MRPL4: variants seen among roughly 807,000 people sequenced by gnomAD.
The protein encoded by MRPL4 is mitochondrial ribosomal protein L4, also known as large ribosomal subunit protein uL4m.
Under a neutral mutation model 34.1 loss-of-function variants are expected in MRPL4, and 34 were observed. The observed-to-expected ratio is 1.00, with a 90% CI of 0.76 to 1.33. The LOEUF is 1.33. Among genes scored for constraint, MRPL4 ranks in the 40% most tolerant of loss-of-function variants. The pLI, the probability that MRPL4 is intolerant of heterozygous loss-of-function variation, is 0.00. For missense variants in MRPL4, 402 were observed against 434.6 expected (o/e 0.92, Z 0.67); for synonymous variants, 196 against 188.3 (o/e 1.04, Z -0.33).
chr19:10,259,585 GGCCCCCCGCCCC>G lies in MRPL4; in HGVS notation c.740-25_740-14del. On this transcript the variant is annotated intron_variant, in intron 8 of 8. Coordinates refer to ENST00000253099, the MANE Select transcript of MRPL4 (RefSeq NM_015956.3). ...GGAGAGAGGCAGCCCCGGCCTGACC[GGCCCCCCGCCCC>G]GCCCCCACCCCGCCCCCAGGCCTAA... The G allele has an allele frequency of 6.8e-7, 1 of 1,473,998 alleles. No individual in the cohort carries two copies. The highest frequency in any genetic ancestry group is 2.6e-5 in the East Asian group (1 of 38,072). 91.3% of individuals were successfully genotyped at this position (1,473,998 alleles called of 1,614,324 possible). A position where few individuals can be genotyped will look rare whatever the true frequency, so the allele number is the denominator to read the frequency against.
intron 4 of MRPL4, 76 bp from the exon 5 acceptor site, chr19:10,256,632 C>T: frequency 8.0e-7 from 1 of 1,245,424 alleles, no homozygotes; most frequent in African/African-American, 1.5e-5. Flanking sequence ...TCTGACTTCC[C>T]CGTGGCAGGA....
intron 5 of MRPL4, 81 bp from the exon 6 acceptor site, chr19:10,258,141 C>T: frequency 9.9e-7 from 1 of 1,008,278 alleles, no homozygotes; most frequent in Non-Finnish European, 1.5e-6. Flanking sequence ...TCTCGTCACC[C>T]CATGCCAGCC....
At chr19:10,255,961 C>A (rs929787719) in intron 4 of MRPL4, among the ~76,000 whole-genome samples, 1 of 152,012 alleles carries the variant, frequency 6.6e-6, no homozygotes, top group Non-Finnish European at 1.5e-5. Context: ...GCCTAGTCAA[C>A]GTGGCAAAAC....
intron 4 of MRPL4, chr19:10,254,917 G>A (rs902390019): frequency 2.4e-5 from 6 of 249,366 alleles, no homozygotes; most frequent in Middle Eastern, 1.4e-3. Context: ...CGATTCTCCT[G>A]CCTCTGCCTC....
At position 10,258,219 on chromosome 19, in the gene MRPL4, CAGG is replaced by C. The variant is rs2039869549; in HGVS notation, c.447_449del (p.Gly150del). 1 of 1,609,868 alleles carries C rather than the reference CAGG, an allele frequency of 6.2e-7. No individual in the cohort carries two copies. Among genetic ancestry groups the C allele is most frequent in the Non-Finnish European group, 8.5e-7 (1 of 1,176,358 alleles). The stretch of plus-strand genomic sequence containing the variant: ...ACCTGCTCACATGCCTCTGTCCCCG[CAGG>C]AGGTGTTGCCCATGGCCCCCGGGGC... On this transcript the variant is annotated splice_acceptor_variant and coding_sequence_variant, in exon 6 of 9. Transcript: ENST00000253099. LOFTEE classifies it high-confidence loss of function.
In MRPL4 at chr19:10,257,810, T is replaced by C. The variant is rs917307171; in HGVS notation, c.446-412T>C. Among the ~76,000 whole-genome samples the C allele has an allele frequency of 1.5e-4, 23 of 152,156 alleles. 1 individual carries two copies. Among genetic ancestry groups the C allele is most frequent in the Middle Eastern group, 3.4e-3 (1 of 294 alleles). Reference sequence around the variant, plus strand: ...CCACACCATAACTCATGGTGTCCTATGGGGCAGGAACTGTCCGATCTCAAG... The same window carrying C: ...CCACACCATAACTCATGGTGTCCTACGGGGCAGGAACTGTCCGATCTCAAG... On this transcript the variant is annotated intron_variant, in intron 5 of 8. Coordinates refer to ENST00000253099, the MANE Select transcript of MRPL4 (RefSeq NM_015956.3).
At chr19:10,255,839 A>G (rs2039846266) in intron 4 of MRPL4, 2 of 152,152 alleles carry the variant, frequency 1.3e-5, no homozygotes, top group African/African-American at 4.8e-5. Context: ...TGTGGCTACA[A>G]CCACATTAAA....
At position 10,252,274 on chromosome 19, in the gene MRPL4, C is replaced by T. The variant is rs987026380; in HGVS notation, c.21C>T (p.Ala7=). 3 of 1,608,330 alleles carry T rather than the reference C, an allele frequency of 1.9e-6. No individual in the cohort carries two copies. Among genetic ancestry groups the T allele is most frequent in the Non-Finnish European group, 2.5e-6 (3 of 1,177,818 alleles). MLQFVR[A]GARAWLRPTG... ...CGGCGATGCTGCAGTTCGTCCGGGC[C>T]GGGGCGCGGGCCTGGCTTCGGCCTA... The change falls in exon 1 of 9, where the codon GCC becomes GCT. Residue 7 remains alanine, a synonymous_variant. Coordinates refer to ENST00000253099, the MANE Select transcript of MRPL4 (RefSeq NM_015956.3).
Position 10,258,206 on chromosome 19 carries a change from G to A in MRPL4, c.446-16G>A. ...TGCAGTGGCCCCTACCTGCTCACAT[G>A]CCTCTGTCCCCGCAGGAGGTGTTGC... On this transcript the variant is annotated splice_polypyrimidine_tract_variant and intron_variant, in intron 5 of 8. Transcript: ENST00000253099. 1.3e-6 allele frequency: 2 copies of A among 1,587,594 alleles called. No individual in the cohort carries two copies. Among genetic ancestry groups the A allele is most frequent in the Non-Finnish European group, 8.6e-7 (1 of 1,156,694 alleles).
At position 10,253,445 on chromosome 19, in the gene MRPL4, C is replaced by G. The variant is rs1245012881; in HGVS notation, c.275+744C>G. Among the ~76,000 whole-genome samples the G allele has an allele frequency of 7.0e-5, 10 of 143,782 alleles. No homozygotes were observed. The Admixed American group carries it at 7.1e-4, about 10-fold the overall frequency. The allele number at this position is 143,782 out of a possible 152,430, so 94.3% of individuals were successfully genotyped here. A position where few individuals can be genotyped will look rare whatever the true frequency, so the allele number is the denominator to read the frequency against. Reference sequence around the variant, plus strand: ...AGTGAGCCGAGATCGCGCCACTGCACTCCATCCTGGGCAACACTCTGTCTC... The same window carrying G: ...AGTGAGCCGAGATCGCGCCACTGCAGTCCATCCTGGGCAACACTCTGTCTC... On this transcript the variant is annotated intron_variant, in intron 3 of 8. Transcript: ENST00000253099.
At chr19:10,252,332 G>A (rs1215716894) in intron 1 of MRPL4, 22 bp downstream of exon 1, 3 of 1,612,614 alleles carry the variant, frequency 1.9e-6, no homozygotes, top group Non-Finnish European at 2.5e-6. Flanking sequence ...GGCTGGAGGC[G>A]TGGTCGAAGG....
upstream of MRPL4, chr19:10,252,101 G>C: frequency 1.1e-6 from 1 of 903,248 alleles, no homozygotes; most frequent in Non-Finnish European, 1.6e-6. Context: ...GGGCACGCCG[G>C]GTCGGACCCC....
intron 3 of MRPL4, among the ~76,000 whole-genome samples, chr19:10,253,470 CAAAAAA>C (rs571009042): frequency 1.9e-5 from 2 of 102,996 alleles, no homozygotes; most frequent in South Asian, 3.5e-4. Context: ...CACTCTGTCT[CAAAAAA>C]AAAAAAAAAA....
At chr19:10,259,363 G>A (rs1168758179) in intron 8 of MRPL4, 2 of 1,385,440 alleles carry the variant, frequency 1.4e-6, no homozygotes, top group South Asian at 3.5e-5. Context: ...TGGGAGCCAG[G>A]AGTCCCAGCC....
chr19:10,252,200 C>T, upstream of MRPL4: 5 of 1,511,668 alleles, frequency 3.3e-6, no homozygotes, highest in Non-Finnish European at 3.5e-6. Flanking sequence ...TCCAGCGGCG[C>T]CTCGCGAGGC....
chr19:10,256,790 G>T lies in MRPL4; in HGVS notation c.410G>T (p.Arg137Leu). The part of the protein sequence containing the change: ...PWPQKGTGRA[R>L]HGSIRSPLWR... ...CCGCAGAAAGGCACTGGGCGGGCCCGGCATGGCAGCATCCGCTCTCCGCTC... is the reference window on the plus strand; with the variant it reads ...CCGCAGAAAGGCACTGGGCGGGCCCTGCATGGCAGCATCCGCTCTCCGCTC... The change falls in exon 5 of 9, where the codon CGG becomes CTG. Residue 137 changes from arginine to leucine, a missense_variant. Transcript: ENST00000253099. The T allele has an allele frequency of 6.4e-7, 1 of 1,573,276 alleles. No individual in the cohort carries two copies. Among genetic ancestry groups the T allele is most frequent in the South Asian group, 1.1e-5 (1 of 87,226 alleles).
In MRPL4 at chr19:10,259,785, G is replaced by A. The variant is rs199786404; in HGVS notation, c.908G>A (p.Gly303Asp). ...FPRPLPHATQ[G>D]PAATPYHC Reference sequence around the variant, plus strand: ...CGACCCCTACCCCACGCTACCCAGGGCCCAGCGGCCACCCCGTACCACTGT... The same window carrying A: ...CGACCCCTACCCCACGCTACCCAGGACCCAGCGGCCACCCCGTACCACTGT... The change falls in exon 9 of 9, where the codon GGC becomes GAC. Residue 303 changes from glycine (G) to aspartate (D), a missense_variant. Gly to Asp is a moderately conservative substitution (Grantham distance 94). Transcript: ENST00000253099. 4.8e-5 allele frequency: 78 copies of A among 1,613,210 alleles called. No individual in the cohort carries two copies. In the East Asian group the frequency reaches 1.6e-3, roughly 32 times the overall value.
At chr19:10,252,849 A>G (rs2039808246) in intron 3 of MRPL4, 148 bp downstream of exon 3, 1 of 1,142,636 alleles carries the variant, frequency 8.8e-7, no homozygotes, top group South Asian at 1.5e-5. Context: ...GAATGATGAC[A>G]GTTTCCCCTG....
At chr19:10,254,912 C>A in intron 4 of MRPL4, 1 of 256,714 alleles carries the variant, frequency 3.9e-6, no homozygotes, top group Non-Finnish European at 7.7e-6. Context: ...TCAAGCGATT[C>A]TCCTGCCTCT....
Sources: allele counts gnomAD v4.1 joint callset (sites outside exome capture counted in the v4.1 genomes callset), GRCh38; gene constraint gnomAD v4.1.1; transcripts MANE v1.5; gene names NCBI Gene and HGNC (gene_info 2026-07-23, HGNC 2026-07-21).